ZNF69: variants seen among roughly 807,000 people sequenced by gnomAD.
The protein encoded by ZNF69 is ZNF3.
Under a neutral mutation model 50.9 loss-of-function variants are expected in ZNF69, and 47 were observed. The ratio of observed to expected loss-of-function variants is 0.92; its 90% CI spans 0.73 to 1.18. The LOEUF (loss-of-function observed/expected upper bound fraction) is 1.18, where lower values mean the gene tolerates loss of function less well. Ranked by LOEUF, ZNF69 falls within the 50% of genes most tolerant of loss-of-function variation. The probability of loss-of-function intolerance (pLI) is 0.00; values close to 1 mark genes in which losing one functional copy is unlikely to be tolerated. For missense variants in ZNF69, 717 were observed against 675.1 expected, an observed-to-expected ratio of 1.06 and a Z score of -0.69; for synonymous variants, 216 against 223.1, an observed-to-expected ratio of 0.97 and a Z score of 0.29.
the ZNF69 span, chr19:11,926,581 G>T: frequency 6.5e-6 from 1 of 153,922 alleles, no homozygotes; most frequent in Non-Finnish European, 1.5e-5. Context: ...TAGAGATGGG[G>T]TTTCACCATG....
chr19:11,960,961 G>T, the ZNF69 span, among the ~76,000 whole-genome samples: 1 of 152,122 alleles, frequency 6.6e-6, no homozygotes, highest in African/African-American at 2.4e-5. Flanking sequence ...CCCTTGGCAT[G>T]TCTTGCATTT....
At chr19:11,903,266 A>G (rs865990957) in intron 1 of ZNF69, among the ~76,000 whole-genome samples, 1 of 151,890 alleles carries the variant, frequency 6.6e-6, no homozygotes, top group Non-Finnish European at 1.5e-5. Context: ...TCCACTAAAA[A>G]TACAACATTA....
chr19:11,962,567 C>T, the ZNF69 span, among the ~76,000 whole-genome samples: 1 of 151,692 alleles, frequency 6.6e-6, no homozygotes, highest in African/African-American at 2.4e-5. Context: ...CACTATATTG[C>T]CCAGGCTGTT....
chr19:11,960,375 G>A, the ZNF69 span, among the ~76,000 whole-genome samples: 1 of 152,212 alleles, frequency 6.6e-6, no homozygotes, highest in African/African-American at 2.4e-5. Context: ...CTGGAGTGCA[G>A]TGGTGTGGCC....
At chr19:11,970,103 T>C in the ZNF69 span, among the ~76,000 whole-genome samples, 1 of 152,174 alleles carries the variant, frequency 6.6e-6, no homozygotes, top group South Asian at 2.1e-4. Flanking sequence ...AACCAATTCT[T>C]GGGGTGCTCA....
At chr19:11,902,440 A>G (rs1029321552) in intron 1 of ZNF69, among the ~76,000 whole-genome samples, 13 of 151,988 alleles carry the variant, frequency 8.6e-5, no homozygotes, top group Admixed American at 7.9e-4. Context: ...TGCTTATGAC[A>G]CCTGGGTATC....
chr19:11,898,385 CTTTTTTTTTTTT>C (rs745487579), intron 1 of ZNF69, among the ~76,000 whole-genome samples: 6 of 91,872 alleles, frequency 6.5e-5, no homozygotes, highest in South Asian at 7.1e-4. Context: ...TTCCTCCTGG[CTTTTTTTTTTTT>C]TTTTTTTTTT....
chr19:11,965,050 C>T, the ZNF69 span: 1 of 897,326 alleles, frequency 1.1e-6, no homozygotes. Context: ...CTGTCCTCAC[C>T]TTTGTCCTTG....
At chr19:11,927,282 A>C in the ZNF69 span, among the ~76,000 whole-genome samples, 3 of 152,088 alleles carry the variant, frequency 2.0e-5, no homozygotes, top group South Asian at 2.1e-4. Context: ...TGAACCCCAG[A>C]GGCAGAGGTT....
chr19:11,947,230 G>A, the ZNF69 span: 8 of 1,613,886 alleles, frequency 5.0e-6, no homozygotes, highest in South Asian at 3.3e-5. Context: ...CAGGAAGAGT[G>A]GACATTGCTG....
At chr19:11,931,964 A>C in the ZNF69 span, among the ~76,000 whole-genome samples, 1 of 147,448 alleles carries the variant, frequency 6.8e-6, no homozygotes, top group Non-Finnish European at 1.5e-5. Context: ...AAAAACACAA[A>C]ATTAGCCAGG....
At chr19:11,954,984 T>C in the ZNF69 span, among the ~76,000 whole-genome samples, 17 of 150,882 alleles carry the variant, frequency 1.1e-4, no homozygotes, top group Non-Finnish European at 1.0e-4. Context: ...ATATAGAGTT[T>C]GTTTCAAAAA....
At chr19:11,978,206 C>A in the ZNF69 span, 1 of 1,613,752 alleles carries the variant, frequency 6.2e-7, no homozygotes, top group Non-Finnish European at 8.5e-7. Context: ...GGCTGAACTT[C>A]CAGGAGAAGA....
At chr19:11,921,273 G>T in the ZNF69 span, among the ~76,000 whole-genome samples, 6 of 151,952 alleles carry the variant, frequency 3.9e-5, no homozygotes, top group African/African-American at 1.5e-4. Context: ...AGGCCCAAGG[G>T]ATTCTCCTGC....
At chr19:11,946,113 T>C in the ZNF69 span, among the ~76,000 whole-genome samples, 3 of 152,314 alleles carry the variant, frequency 2.0e-5, no homozygotes, top group East Asian at 5.8e-4. Context: ...CCAGTAGCCC[T>C]TCTGCCAGAT....
the ZNF69 span, among the ~76,000 whole-genome samples, chr19:11,926,125 A>G: frequency 6.6e-6 from 1 of 152,326 alleles, no homozygotes; most frequent in African/African-American, 2.4e-5. Context: ...CATCCCAGCC[A>G]GAAAACAGAC....
the ZNF69 span, among the ~76,000 whole-genome samples, chr19:11,972,823 GCCTCATACCTGTAATCCTA>G: frequency 6.6e-6 from 1 of 151,932 alleles, no homozygotes; most frequent in Non-Finnish European, 1.5e-5. Flanking sequence ...CAGATGCTGT[GCCTCATACCTGTAATCCTA>G]CCACTTAGGG....
downstream of ZNF69, among the ~76,000 whole-genome samples, chr19:11,918,704 C>G (rs570639230): frequency 7.6e-4 from 115 of 152,186 alleles, no homozygotes; most frequent in Non-Finnish European, 1.4e-3. Context: ...ATCCTCTTGC[C>G]TCGGCCTCCC....
the ZNF69 span, among the ~76,000 whole-genome samples, chr19:11,925,906 C>T: frequency 6.6e-6 from 1 of 152,098 alleles, no homozygotes; most frequent in Non-Finnish European, 1.5e-5. Flanking sequence ...TTATTCATTT[C>T]AGAGAGACAG....
Sources: gnomAD v4.1 joint callset for allele counts (sites outside exome capture counted in the v4.1 genomes callset) on GRCh38, gnomAD v4.1.1 for gene constraint, MANE v1.5 for transcripts, NCBI Gene and HGNC (gene_info 2026-07-23, HGNC 2026-07-21) for gene names.